The following NSF variants were observed in gnomAD, a reference collection of about 807,000 sequenced individuals.
NSF encodes N-ethylmaleimide sensitive factor, vesicle fusing ATPase.
A neutral mutation model predicts 50.3 loss-of-function variants in NSF; 14 were observed. The ratio of observed to expected loss-of-function variants is 0.28; its 90% confidence interval spans 0.18 to 0.44. The LOEUF (loss-of-function observed/expected upper bound fraction) is 0.44, where lower values mean the gene tolerates loss of function less well. NSF is among the 20% of genes least tolerant of loss of function. The pLI is 1.00. For synonymous variants in NSF, 109 were observed against 175.7 expected (o/e 0.62, Z 3.00); for missense variants, 218 against 504.3 (o/e 0.43, Z 5.44).
chr17:46,680,311 A>C (rs2058442802), intron 9 of NSF, among the ~76,000 whole-genome samples: 1 of 151,774 alleles, frequency 6.6e-6, no homozygotes, highest in Non-Finnish European at 1.5e-5. Flanking sequence ...GAACACAGGA[A>C]GGAAGAGCCT....
chr17:46,634,004 G>T (rs943156273), intron 4 of NSF, among the ~76,000 whole-genome samples: 1 of 14,422 alleles, frequency 6.9e-5, no homozygotes, highest in African/African-American at 7.0e-4. Context: ...CTGAGTAGCT[G>T]GGATTACAGG....
chr17:46,746,305 G>A (rs1185410765), intron 17 of NSF, among the ~76,000 whole-genome samples: 1 of 152,116 alleles, frequency 6.6e-6, no homozygotes, highest in African/African-American at 2.4e-5. Flanking sequence ...ATGGCTAATT[G>A]TACCAGAGGG....
chr17:46,595,492 CTT>C (rs1189885490), intron 1 of NSF, among the ~76,000 whole-genome samples: 4 of 96,106 alleles, frequency 4.2e-5, no homozygotes, highest in Non-Finnish European at 1.8e-5. Context: ...ATCACTGGAT[CTT>C]TTTTTTTTTT....
chr17:46,709,420 A>G (rs979188019), intron 13 of NSF, among the ~76,000 whole-genome samples: 1 of 152,128 alleles, frequency 6.6e-6, no homozygotes, highest in Admixed American at 6.5e-5. Flanking sequence ...TTTATGGTTC[A>G]GGCATCTTAA....
intron 17 of NSF, among the ~76,000 whole-genome samples, chr17:46,731,322 A>G (rs181949210): frequency 1.1e-4 from 16 of 152,234 alleles, no homozygotes; most frequent in Admixed American, 3.3e-4. Flanking sequence ...GGGATGGCCT[A>G]GGGCTGGGAG....
intron 13 of NSF, among the ~76,000 whole-genome samples, chr17:46,709,328 G>C (rs1015257999): frequency 2.0e-5 from 3 of 151,812 alleles, no homozygotes; most frequent in African/African-American, 7.3e-5. Flanking sequence ...TTTATTCCAA[G>C]GGTCTGGAGG....
At position 46,713,978 on chromosome 17, in the gene NSF, A is replaced by G. The variant is rs578072950; in HGVS notation, c.1753A>G (p.Met585Val). The G allele has an allele frequency of 3.7e-6, 6 of 1,601,404 alleles. No individual in the cohort carries two copies. The highest frequency in any genetic ancestry group is 1.8e-5 in the Admixed American group (1 of 55,426). Residue 585 changes from methionine to valine, a missense_variant, in exon 15 of 21, where the codon ATG becomes GTG. Transcript: ENST00000398238. ...GFSETAKCQA[M>V]KKIFDDAYKS... ...TTCTGAAACAGCCAAATGTCAGGCC[A>G]TGAAGAAGGTATCAAGATTTTACTT...
At chr17:46,622,348 C>T (rs1175314093) in intron 1 of NSF, among the ~76,000 whole-genome samples, 1 of 149,880 alleles carries the variant, frequency 6.7e-6, no homozygotes. Flanking sequence ...GTCCCAGCTA[C>T]TTGGGAGGCT....
chr17:46,696,332 G>GT lies in NSF; in HGVS notation c.1374+1671dup, dbSNP rs1011825588. 1.6e-4 allele frequency among the ~76,000 whole-genome samples: 22 copies of GT among 140,786 alleles called. 5 individuals carry two copies. The highest frequency in any genetic ancestry group is 5.5e-4 in the African/African-American group (19 of 34,678). The allele number at this position is 140,786 out of a possible 152,430, so 92.4% of individuals were successfully genotyped here. A position where few individuals can be genotyped will look rare whatever the true frequency, so the allele number is the denominator to read the frequency against. On this transcript the variant is annotated intron_variant, in intron 12 of 20. Coordinates refer to ENST00000398238, the MANE Select transcript of NSF (RefSeq NM_006178.4). ...GAGTTAATACCCCGACTGCAAAGAAGTAAAGTACCTACCATTAAGCTGCCC... is the reference window on the plus strand; with the variant it reads ...GAGTTAATACCCCGACTGCAAAGAAGTTAAAGTACCTACCATTAAGCTGCCC...
chr17:46,703,692 A>C lies in NSF; in HGVS notation c.1375-1067A>C, dbSNP rs1279898815. ...TGAGACTCCGTCTCAAAAAAAAAAA[A>C]AAAAAAAAAAAACAAAAAACAGAAA... On this transcript the variant is annotated intron_variant, in intron 12 of 20. Coordinates refer to ENST00000398238, the MANE Select transcript of NSF (RefSeq NM_006178.4). Among the ~76,000 whole-genome samples, 11 of 151,418 alleles carry C rather than the reference A, an allele frequency of 7.3e-5. No individual in the cohort carries two copies. The South Asian group carries it at 8.3e-4, about 11-fold the overall frequency.
chr17:46,621,478 C>T (rs2058066844), intron 1 of NSF, among the ~76,000 whole-genome samples: 1 of 101,450 alleles, frequency 9.9e-6, no homozygotes, highest in South Asian at 3.7e-4. Flanking sequence ...TTAGTAGAGA[C>T]GGGGCTTCAC....
intron 4 of NSF, among the ~76,000 whole-genome samples, chr17:46,631,082 A>ACACACT (rs2058133023): frequency 7.0e-6 from 1 of 142,080 alleles, no homozygotes; most frequent in Admixed American, 7.0e-5. Context: ...ACACACACAC[A>ACACACT]CACACACACA....
Position 46,726,635 on chromosome 17 carries a change from G to A in NSF, c.1828+20G>A, listed in dbSNP as rs968866291. ...TGCTTGGTGAGTCCTAACTTCTGCT[G>A]TTGTATTATCTTTGCCACATTACAG... On this transcript the variant is annotated intron_variant, in intron 16 of 20. Transcript: ENST00000398238. 2 of 1,607,564 alleles carry A rather than the reference G, an allele frequency of 1.2e-6. No homozygotes were observed. Among genetic ancestry groups the A allele is most frequent in the East Asian group, 2.2e-5 (1 of 44,844 alleles).
intron 1 of NSF, among the ~76,000 whole-genome samples, chr17:46,595,468 A>C (rs2057861020): frequency 1.0e-5 from 1 of 99,982 alleles, no homozygotes; most frequent in Non-Finnish European, 1.7e-5. Flanking sequence ...TCAAACATTG[A>C]ATTTATTCCT....
At chr17:46,691,194 C>T (rs1485735262) in intron 9 of NSF, among the ~76,000 whole-genome samples, 1 of 2,424 alleles carries the variant, frequency 4.1e-4, no homozygotes, top group African/African-American at 1.8e-3. Context: ...ACTATAGGCA[C>T]GTACCACTCT....
intron 15 of NSF, chr17:46,721,754 T>A: frequency 6.2e-7 from 1 of 1,604,714 alleles, no homozygotes; most frequent in Admixed American, 1.7e-5. Context: ...GCCCACAATT[T>A]CGCTTGGGAA....
At chr17:46,631,108 C>A (rs1443583263) in intron 4 of NSF, among the ~76,000 whole-genome samples, 1 of 66,268 alleles carries the variant, frequency 1.5e-5, no homozygotes, top group East Asian at 4.1e-4. Flanking sequence ...ACACACACAT[C>A]TTTTATCCTA....
In NSF at chr17:46,728,902, C is replaced by T. The variant is rs1048732213; in HGVS notation, c.1876C>T (p.Leu626Phe). 13 of 1,607,790 alleles carry T rather than the reference C, an allele frequency of 8.1e-6. No individual in the cohort carries two copies. The highest frequency in any genetic ancestry group is 2.7e-5 in the African/African-American group (2 of 74,656). The change falls in exon 17 of 21, where the codon CTT becomes TTT. Residue 626 changes from leucine to phenylalanine, a missense_variant. Around this residue, in one of 2 missense-constraint regions of NSF, gnomAD observed 209 missense variants for 320.9 expected, o/e 0.65. Transcript: ENST00000398238. ...PRFSNLVLQA[L>F]LVLLKKAPPQ... ...ATTTTCAAATCTTGTATTACAGGCT[C>T]TTCTCGTTTTACTGAAAAAGGCACC...
chr17:46,631,086 A>ACACACACACACACACACACG (rs2058134285), intron 4 of NSF, among the ~76,000 whole-genome samples: 1 of 145,728 alleles, frequency 6.9e-6, no homozygotes, highest in African/African-American at 2.8e-5. Flanking sequence ...ACACACACAC[A>ACACACACACACACACACACG]CACACACACA....
Sources: gnomAD v4.1 joint callset for allele counts (sites outside exome capture counted in the v4.1 genomes callset) on GRCh38, gnomAD v4.1.1 for gene constraint, gnomAD v4.1.1 regional missense constraint, MANE v1.5 for transcripts, NCBI Gene and HGNC (gene_info 2026-07-23, HGNC 2026-07-21) for gene names.